The following IFT43 variants were observed in gnomAD, a reference collection of about 807,000 sequenced individuals.
IFT43 encodes intraflagellar transport protein 43 homolog.
A neutral mutation model predicts 32.3 loss-of-function variants in IFT43; 33 were observed. The observed-to-expected ratio is 1.02, with a 90% CI of 0.77 to 1.37. The LOEUF is 1.37. IFT43 is among the 40% of genes most tolerant of loss of function. IFT43 has a pLI of 0.00. For missense variants in IFT43, 274 were observed against 265.9 expected, an observed-to-expected ratio of 1.03 and a Z score of -0.21; for synonymous variants, 93 against 98.2, an observed-to-expected ratio of 0.95 and a Z score of 0.31.
At chr14:76,043,967 T>A (rs958704994) in intron 3 of IFT43, among the ~76,000 whole-genome samples, 4 of 152,148 alleles carry the variant, frequency 2.6e-5, no homozygotes, top group Admixed American at 6.5e-5. Context: ...ATTAATTTGC[T>A]AGAGTAGCTC....
intron 5 of IFT43, among the ~76,000 whole-genome samples, chr14:76,081,704 A>G (rs11850861): frequency 0.043 from 6,537 of 152,274 alleles, 325 homozygotes; most frequent in African/African-American, 0.12. Flanking sequence ...CCCTGATTAC[A>G]TTAGACCTGG....
intron 3 of IFT43, among the ~76,000 whole-genome samples, chr14:76,024,691 A>G (rs1208168303): frequency 6.6e-6 from 1 of 152,204 alleles, no homozygotes; most frequent in Non-Finnish European, 1.5e-5. Flanking sequence ...AGTGTTAGGT[A>G]ACACGTGTTC....
At chr14:75,999,241 AT>A (rs1479752992) in intron 2 of IFT43, among the ~76,000 whole-genome samples, 140 of 12,912 alleles carry the variant, frequency 0.011, 2 homozygotes, top group Admixed American at 0.067. Flanking sequence ...ATATATATAT[AT>A]ATATATATAT....
intron 2 of IFT43, among the ~76,000 whole-genome samples, chr14:76,006,086 A>C (rs1456428937): frequency 6.6e-6 from 1 of 152,142 alleles, no homozygotes; most frequent in Non-Finnish European, 1.5e-5. Flanking sequence ...CTATCGAGAC[A>C]GAAAGTGTTC....
intron 5 of IFT43, among the ~76,000 whole-genome samples, chr14:76,070,041 G>A (rs1410235101): frequency 6.6e-6 from 1 of 152,228 alleles, no homozygotes; most frequent in Non-Finnish European, 1.5e-5. Context: ...ACTTAATTCT[G>A]CAAGTGTAGC....
intron 2 of IFT43, among the ~76,000 whole-genome samples, chr14:76,002,657 G>T (rs1162893317): frequency 6.6e-6 from 1 of 152,210 alleles, no homozygotes; most frequent in Non-Finnish European, 1.5e-5. Flanking sequence ...CAAATTTTTG[G>T]TCAGTGTGTG....
intron 5 of IFT43, among the ~76,000 whole-genome samples, chr14:76,067,780 C>T (rs2037251496): frequency 6.6e-6 from 1 of 152,150 alleles, no homozygotes; most frequent in Non-Finnish European, 1.5e-5. Flanking sequence ...ACCCGTGAAA[C>T]AGAAAAATGT....
rs142610811 is a variant in IFT43, at chr14:76,076,968, C to T, written c.296-5327C>T. ...TTTTTTGGGTAGATGTGTTGGGTGT[C>T]GGCAGAGTAGTGATCTAGTATCAAA... is the stretch of plus-strand genomic sequence containing the variant. On this transcript the variant is annotated intron_variant, in intron 5 of 8. Transcript: ENST00000314067. Among the ~76,000 whole-genome samples, 326 of 151,786 alleles carry T rather than the reference C, an allele frequency of 2.1e-3. 1 individual carries two copies. Among genetic ancestry groups the T allele is most frequent in the African/African-American group, 7.2e-3 (296 of 41,366 alleles).
chr14:76,033,670 C>T (rs770313495), intron 3 of IFT43, among the ~76,000 whole-genome samples: 18 of 152,214 alleles, frequency 1.2e-4, no homozygotes, highest in South Asian at 4.1e-4. Flanking sequence ...GCTTTGAGGA[C>T]CTACCTCATT....
At chr14:76,082,233 G>A (rs374314940) in intron 5 of IFT43, 62 bp from the exon 6 acceptor site, 2 of 1,457,524 alleles carry the variant, frequency 1.4e-6, no homozygotes, top group Non-Finnish European at 1.9e-6. Flanking sequence ...AGTAAGAAGT[G>A]GAGAAGCAGG....
intron 2 of IFT43, among the ~76,000 whole-genome samples, chr14:75,999,252 TATATATATATATATATATATG>T (rs1566699360): frequency 4.4e-3 from 50 of 11,430 alleles, no homozygotes; most frequent in African/African-American, 0.017. Context: ...TATATATATA[TATATATATATATATATATATG>T]TATATATATT....
chr14:76,022,551 A>G (rs1289191283), intron 3 of IFT43, 157 bp downstream of exon 3: 9 of 564,964 alleles, frequency 1.6e-5, no homozygotes, highest in Non-Finnish European at 2.6e-5. Context: ...ATCATTCTTA[A>G]TATATTCACA....
At chr14:76,019,975 T>C (rs2036259576) in intron 2 of IFT43, among the ~76,000 whole-genome samples, 1 of 152,152 alleles carries the variant, frequency 6.6e-6, no homozygotes, top group African/African-American at 2.4e-5. Flanking sequence ...TCTGATTTGT[T>C]TGTACTCTTT....
intron 3 of IFT43, among the ~76,000 whole-genome samples, chr14:76,036,042 G>T (rs1304402723): frequency 6.6e-6 from 1 of 152,204 alleles, no homozygotes; most frequent in Non-Finnish European, 1.5e-5. Context: ...AGGATGAGTA[G>T]AAAAGCTTGA....
At chr14:76,032,353 A>G (rs1054755222) in intron 3 of IFT43, among the ~76,000 whole-genome samples, 5 of 152,160 alleles carry the variant, frequency 3.3e-5, no homozygotes, top group Admixed American at 6.5e-5. Flanking sequence ...GACTCTTTTA[A>G]AACATCAGTG....
At chr14:76,001,874 A>G (rs563320706) in intron 2 of IFT43, among the ~76,000 whole-genome samples, 3 of 152,314 alleles carry the variant, frequency 2.0e-5, no homozygotes, top group Non-Finnish European at 2.9e-5. Flanking sequence ...TTATCCTTCT[A>G]TAAGGGACCC....
chr14:76,048,469 T>C (rs1260718293), intron 3 of IFT43, among the ~76,000 whole-genome samples: 1 of 152,240 alleles, frequency 6.6e-6, no homozygotes. Flanking sequence ...CTCCCTTTGA[T>C]GGATTCGGTC....
chr14:76,079,035 A>G (rs147919259), intron 5 of IFT43, among the ~76,000 whole-genome samples: 7 of 152,334 alleles, frequency 4.6e-5, no homozygotes, highest in African/African-American at 1.4e-4. Flanking sequence ...AAGAGAGGAC[A>G]TTAAGTTTCA....
chr14:76,032,603 C>G (rs1366963295), intron 3 of IFT43, among the ~76,000 whole-genome samples: 1 of 152,222 alleles, frequency 6.6e-6, no homozygotes, highest in Non-Finnish European at 1.5e-5. Context: ...TGAGAGGAGA[C>G]ACACTCTCTT....
Sources: allele counts gnomAD v4.1 joint callset (sites outside exome capture counted in the v4.1 genomes callset), GRCh38; gene constraint gnomAD v4.1.1; transcripts MANE v1.5; gene names NCBI Gene and HGNC (gene_info 2026-07-23, HGNC 2026-07-21).